WDR49: variants seen among roughly 807,000 people sequenced by gnomAD.
WDR49 encodes the protein WD repeat domain 49.
A neutral mutation model predicts 119.5 loss-of-function variants in WDR49; 107 were observed. The observed-to-expected ratio is 0.90, with a 90% CI of 0.77 to 1.05. WDR49 has a LOEUF of 1.05. Ranked by LOEUF, WDR49 falls within the 50% of genes least tolerant of loss-of-function variation. The probability of loss-of-function intolerance (pLI) is 0.00; values close to 1 mark genes in which losing one functional copy is unlikely to be tolerated. For synonymous variants in WDR49, 425 were observed against 418.8 expected, an observed-to-expected ratio of 1.01 and a Z score of -0.18; for missense variants, 1,240 against 1,220.5, an observed-to-expected ratio of 1.02 and a Z score of -0.24.
intron 3 of WDR49, 140 bp from the exon 4 acceptor site, chr3:167,621,783 C>G (rs1304244182): frequency 1.1e-5 from 9 of 802,864 alleles, no homozygotes; most frequent in Non-Finnish European, 1.7e-5. Context: ...AAGTTAAGAA[C>G]AGCGGCACAA....
At chr3:167,531,036 C>T in intron 13 of WDR49, 79 bp downstream of exon 13, 1 of 1,455,286 alleles carries the variant, frequency 6.9e-7, no homozygotes, top group Non-Finnish European at 9.3e-7. Flanking sequence ...TCAAATTCTA[C>T]AAGATCTAGT....
At chr3:167,548,697 T>A (rs1712357650) in intron 10 of WDR49, among the ~76,000 whole-genome samples, 1 of 152,082 alleles carries the variant, frequency 6.6e-6, no homozygotes, top group Non-Finnish European at 1.5e-5. Context: ...TTATTTTATT[T>A]TAATTATTAT....
intron 7 of WDR49, among the ~76,000 whole-genome samples, chr3:167,601,064 A>G (rs1715745776): frequency 6.6e-6 from 1 of 152,210 alleles, no homozygotes; most frequent in Non-Finnish European, 1.5e-5. Context: ...GTCTGAAAAT[A>G]GAGAGATATA....
At chr3:167,608,656 A>T (rs1716179772) in intron 5 of WDR49, among the ~76,000 whole-genome samples, 1 of 152,204 alleles carries the variant, frequency 6.6e-6, no homozygotes. Flanking sequence ...TCTGATAAAT[A>T]AAAATGTTTT....
chr3:167,604,498 T>C (rs1224300715), intron 5 of WDR49, 30 bp from the exon 6 acceptor site: 13 of 1,543,102 alleles, frequency 8.4e-6, no homozygotes, highest in South Asian at 1.2e-5. Context: ...AGAAAAACAA[T>C]CTTTAGTTGA....
chr3:167,602,381 A>G (rs897538613), intron 6 of WDR49, 106 bp from the exon 7 acceptor site: 5 of 1,039,190 alleles, frequency 4.8e-6, no homozygotes, highest in Non-Finnish European at 6.6e-6. Context: ...GATGAATGTC[A>G]ACTGTAGGTT....
chr3:167,549,537 GTTAT>G (rs752695739), intron 10 of WDR49, among the ~76,000 whole-genome samples: 2 of 151,976 alleles, frequency 1.3e-5, no homozygotes, highest in Non-Finnish European at 2.9e-5. Flanking sequence ...TTTTCCTGGG[GTTAT>G]TTGATTTTTT....
intron 17 of WDR49, among the ~76,000 whole-genome samples, chr3:167,503,252 C>G (rs1236557374): frequency 6.6e-6 from 1 of 152,204 alleles, no homozygotes; most frequent in Non-Finnish European, 1.5e-5. Context: ...TCAGAGGATG[C>G]AAGAGAAATC....
chr3:167,540,961 C>T (rs1577227367), intron 10 of WDR49, among the ~76,000 whole-genome samples: 1 of 151,796 alleles, frequency 6.6e-6, no homozygotes, highest in South Asian at 2.1e-4. Context: ...AACTTCAGAG[C>T]TCAAAGACAA....
chr3:167,534,256 G>T (rs1752947567), intron 11 of WDR49, among the ~76,000 whole-genome samples: 1 of 152,094 alleles, frequency 6.6e-6, no homozygotes, highest in Non-Finnish European at 1.5e-5. Flanking sequence ...CCAGGGGGAT[G>T]GAGTTCAGCT....
Position 167,530,439 on chromosome 3 carries a change from T to C in WDR49, c.2218+676A>G, listed in dbSNP as rs969901119. Among the ~76,000 whole-genome samples, 7 of 152,114 alleles carry C rather than the reference T, an allele frequency of 4.6e-5. No homozygotes were observed. In the South Asian group the frequency reaches 1.0e-3, roughly 22 times the overall value. ...GCAGGCTGCATCAACACCATGCTAATATTGCCACTGACAACAAGGAAAAAA... is the reference window on the plus strand; with the variant it reads ...GCAGGCTGCATCAACACCATGCTAACATTGCCACTGACAACAAGGAAAAAA... On this transcript the variant is annotated intron_variant, in intron 13 of 18. Transcript: ENST00000682715.
At chr3:167,491,311 C>T (rs1751124923) in intron 18 of WDR49, among the ~76,000 whole-genome samples, 1 of 152,098 alleles carries the variant, frequency 6.6e-6, no homozygotes, top group African/African-American at 2.4e-5. Context: ...TACCTCAGTC[C>T]AGTGCTCCTG....
At chr3:167,534,154 C>A (rs942934487) in intron 11 of WDR49, among the ~76,000 whole-genome samples, 4 of 152,002 alleles carry the variant, frequency 2.6e-5, no homozygotes. Flanking sequence ...GAGATTACAC[C>A]ATTGCACTCC....
In WDR49 at chr3:167,626,856, T is replaced by C. The variant is rs1717150718; in HGVS notation, c.602A>G (p.Asn201Ser). ...TTTTTTATAAAGAGTCTGTACCTTG[T>C]TTACATTTTCCAGAGAAACCAGACT... Reference protein sequence around the residue: ...VTSLVSLENVNKIAVAFTSKE... With the variant: ...VTSLVSLENVSKIAVAFTSKE... The change falls in exon 3 of 19, where the codon AAC becomes AGC. Residue 201 changes from asparagine to serine, a missense_variant. Transcript: ENST00000682715. 4 of 1,249,706 alleles carry C rather than the reference T, an allele frequency of 3.2e-6. No homozygotes were observed. Among genetic ancestry groups the C allele is most frequent in the Non-Finnish European group, 4.0e-6 (4 of 996,810 alleles). 77.4% of individuals were successfully genotyped at this position (1,249,706 alleles called of 1,614,324 possible). A position where few individuals can be genotyped will look rare whatever the true frequency, so the allele number is the denominator to read the frequency against.
At chr3:167,557,429 G>A (rs1230803854) in intron 9 of WDR49, among the ~76,000 whole-genome samples, 1 of 152,098 alleles carries the variant, frequency 6.6e-6, no homozygotes, top group Non-Finnish European at 1.5e-5. Context: ...TAGTAAGTAA[G>A]AAATTGAACA....
At chr3:167,556,520 G>A (rs1712936800) in intron 9 of WDR49, among the ~76,000 whole-genome samples, 3 of 152,208 alleles carry the variant, frequency 2.0e-5, no homozygotes, top group African/African-American at 7.2e-5. Context: ...TAGATTAGTA[G>A]CAGTTAAAAC....
chr3:167,517,787 G>T (rs1307015529), intron 16 of WDR49, among the ~76,000 whole-genome samples: 1 of 150,532 alleles, frequency 6.6e-6, no homozygotes, highest in Non-Finnish European at 1.5e-5. Context: ...ACAATGTGCA[G>T]GTTAGTTACA....
At chr3:167,564,435 T>C (rs1434135148) in intron 8 of WDR49, among the ~76,000 whole-genome samples, 1 of 152,184 alleles carries the variant, frequency 6.6e-6, no homozygotes, top group African/African-American at 2.4e-5. Flanking sequence ...AGAAAATGGA[T>C]TCACTACACG....
Position 167,621,640 on chromosome 3 carries a change from C to T in WDR49, c.610G>A (p.Ala204Thr). 2.6e-6 allele frequency: 4 copies of T among 1,530,030 alleles called. No individual in the cohort carries two copies. Among genetic ancestry groups the T allele is most frequent in the Non-Finnish European group, 2.6e-6 (3 of 1,144,280 alleles). 94.8% of individuals were successfully genotyped at this position (1,530,030 alleles called of 1,614,324 possible). A position where few individuals can be genotyped will look rare whatever the true frequency, so the allele number is the denominator to read the frequency against. Residue 204 changes from alanine to threonine, a missense_variant, in exon 4 of 19, where the codon GCA (alanine) becomes ACA (threonine). Ala to Thr is a moderately conservative substitution (Grantham distance 58). Transcript: ENST00000682715. ...LVSLENVNKI[A>T]VAFTSKEVCF... ...ACCTCTTTACTTGTAAAAGCCACTG[C>T]TATCTAAAGTAGCAGAGTAGAAAAT...
Sources: gnomAD v4.1 joint callset for allele counts (sites outside exome capture counted in the v4.1 genomes callset) on GRCh38, gnomAD v4.1.1 for gene constraint, MANE v1.5 for transcripts, NCBI Gene and HGNC (gene_info 2026-07-23, HGNC 2026-07-21) for gene names.